Variants in ZNF586 observed in about 807,000 individuals in gnomAD.
The protein encoded by ZNF586 is zinc finger protein 586.
ZNF586 carries 7 observed loss-of-function variants against 6.7 expected under a neutral mutation model. The observed-to-expected ratio is 1.04, with a 90% CI of 0.59 to 1.95. ZNF586 has a LOEUF of 1.95. ZNF586 is among the 30% of genes most tolerant of loss of function. The pLI, the probability that ZNF586 is intolerant of heterozygous loss-of-function variation, is 0.00. For synonymous variants in ZNF586, 166 were observed against 168.7 expected, an observed-to-expected ratio of 0.98 and a Z score of 0.12; for missense variants, 442 against 489.6, an observed-to-expected ratio of 0.90 and a Z score of 0.92.
intron 1 of ZNF586, among the ~76,000 whole-genome samples, chr19:57,770,414 C>T (rs1568482021): frequency 6.6e-6 from 1 of 152,242 alleles, no homozygotes; most frequent in East Asian, 1.9e-4. Flanking sequence ...CGTGAGCCAC[C>T]GCGCCTGGCC....
In ZNF586 at chr19:57,774,007, G is replaced by A. The variant is rs1208911529; in HGVS notation, c.37-2536G>A. Among the ~76,000 whole-genome samples the A allele has an allele frequency of 2.0e-5, 3 of 151,956 alleles. 1 individual carries two copies. In the East Asian group the frequency reaches 5.8e-4, roughly 29 times the overall value. ...AAGGTGGGCAGATCACGTGAGGCCG[G>A]GGGTTCGAGATCAGCGTCGCCAACA... On this transcript the variant is annotated intron_variant, in intron 1 of 2. Transcript: ENST00000396154.
rs146358637 is a variant in ZNF586, at chr19:57,775,565, T to G, written c.37-978T>G. ...TCAGGGACTATCACACCCTCTTGATTGAGCAAAGCTTACATACCACAATCC... is the reference window on the plus strand; with the variant it reads ...TCAGGGACTATCACACCCTCTTGATGGAGCAAAGCTTACATACCACAATCC... On this transcript the variant is annotated intron_variant, in intron 1 of 2. Transcript: ENST00000396154. 5.3e-3 allele frequency among the ~76,000 whole-genome samples: 798 copies of G among 151,286 alleles called. 15 individuals are homozygous for G. The highest frequency in any genetic ancestry group is 0.016 in the African/African-American group (677 of 41,144).
intron 1 of ZNF586, among the ~76,000 whole-genome samples, chr19:57,773,404 T>TC (rs1390629902): frequency 6.2e-5 from 9 of 144,360 alleles, no homozygotes; most frequent in East Asian, 2.0e-4. Flanking sequence ...TTCTTCTTCT[T>TC]TTTTTTTTTT....
In ZNF586 at chr19:57,780,132, C is replaced by CT; in HGVS notation, c.*337dup. ...AAATTGAATGTCATACATCAAATAG[C>CT]TGCATACATTCCAGGTATGTGGGAA... On this transcript the variant is annotated 3_prime_UTR_variant, in exon 3 of 3. Transcript: ENST00000396154. The CT allele has an allele frequency of 3.5e-6, 1 of 283,302 alleles. No homozygotes were observed. Among genetic ancestry groups the CT allele is most frequent in the South Asian group, 6.4e-5 (1 of 15,520 alleles). 17.5% of individuals were successfully genotyped at this position (283,302 alleles called of 1,614,324 possible). A position where few individuals can be genotyped will look rare whatever the true frequency, so the allele number is the denominator to read the frequency against.
chr19:57,769,757 A>C lies in ZNF586; in HGVS notation c.-86A>C. The C allele has an allele frequency of 7.2e-7, 1 of 1,388,586 alleles. No individual in the cohort carries two copies. Among genetic ancestry groups the C allele is most frequent in the Non-Finnish European group, 9.9e-7 (1 of 1,006,858 alleles). 86.0% of individuals were successfully genotyped at this position (1,388,586 alleles called of 1,614,324 possible). A position where few individuals can be genotyped will look rare whatever the true frequency, so the allele number is the denominator to read the frequency against. ...TGGCCATTGCACACAGGCGGATCTG[A>C]GGTTCGGCGACGCCGCTGGTCGCGA... On this transcript the variant is annotated 5_prime_UTR_variant, in exon 1 of 3. Transcript: ENST00000396154.
chr19:57,773,834 A>G (rs1163571444), intron 1 of ZNF586, among the ~76,000 whole-genome samples: 1 of 152,152 alleles, frequency 6.6e-6, no homozygotes, highest in African/African-American at 2.4e-5. Flanking sequence ...GTGGATGTGG[A>G]GGCAAATATG....
At position 57,778,853 on chromosome 19, in the gene ZNF586, A is replaced by T. The variant is rs752191975; in HGVS notation, c.266A>T (p.Glu89Val). Residue 89 changes from glutamate to valine, a missense_variant, in exon 3 of 3, where the codon GAG becomes GTG. Coordinates refer to ENST00000396154, the MANE Select transcript of ZNF586 (RefSeq NM_017652.4). ...GGTCATAGTGGAGAAAGGCCTTATG[A>T]GTGTGGGGAATATAGGAAATTATTT... ...QGGHSGERPY[E>V]CGEYRKLFKN... 2 of 1,614,044 alleles carry T rather than the reference A, an allele frequency of 1.2e-6. No homozygotes were observed. The highest frequency in any genetic ancestry group is 4.5e-5 in the East Asian group (2 of 44,894).
Position 57,779,575 on chromosome 19 carries a change from T to C in ZNF586, c.988T>C (p.Ser330Pro), listed in dbSNP as rs201777537. 1.1e-5 allele frequency: 18 copies of C among 1,612,996 alleles called. No homozygotes were observed. The highest frequency in any genetic ancestry group is 2.5e-6 in the Non-Finnish European group (3 of 1,179,852). ...GTGTGGGAAATCCTTTAGCCGAAAA[T>C]CTAGCCTTATTATACATCTGAGAGT... is the stretch of plus-strand genomic sequence containing the variant. ...GQCGKSFSRK[S>P]SLIIHLRVHT... Residue 330 changes from serine (S) to proline (P), a missense_variant, in exon 3 of 3, where the codon TCT becomes CCT. Ser to Pro is a moderately conservative substitution (Grantham distance 74). Transcript: ENST00000396154.
chr19:57,776,952 G>A (rs1280583839), intron 2 of ZNF586, among the ~76,000 whole-genome samples: 1 of 152,172 alleles, frequency 6.6e-6, no homozygotes, highest in Non-Finnish European at 1.5e-5. Flanking sequence ...GGGTGACTGT[G>A]CAGATCCAAG....
rs1457325523 is a variant in ZNF586, at chr19:57,769,831, C to T, written c.-12C>T. 14 of 1,545,788 alleles carry T rather than the reference C, an allele frequency of 9.1e-6. No individual in the cohort carries two copies. The African/African-American group carries it at 1.8e-4, about 20-fold the overall frequency. ...ACACCGCCGAGCCCGCGTTCCCCCC[C>T]CGCCCAGAGTCATGGCGGCAGCAGC... is the stretch of plus-strand genomic sequence containing the variant. On this transcript the variant is annotated 5_prime_UTR_variant, in exon 1 of 3. Transcript: ENST00000396154.
At chr19:57,774,857 C>A in intron 1 of ZNF586, 1 of 568,788 alleles carries the variant, frequency 1.8e-6, no homozygotes, top group Non-Finnish European at 2.2e-6. Context: ...GATACCAGTA[C>A]TACCTCACAT....
chr19:57,773,811 T>C (rs997577964), intron 1 of ZNF586, among the ~76,000 whole-genome samples: 20 of 152,168 alleles, frequency 1.3e-4, no homozygotes, highest in Admixed American at 3.9e-4. Context: ...CCTGGGGTGT[T>C]TGATTCAGCC....
At chr19:57,776,274 G>C (rs1194647891) in intron 1 of ZNF586, among the ~76,000 whole-genome samples, 1 of 152,160 alleles carries the variant, frequency 6.6e-6, no homozygotes, top group Non-Finnish European at 1.5e-5. Context: ...TGCTGTACCA[G>C]GGGAATTGCT....
At chr19:57,776,223 T>C (rs887344239) in intron 1 of ZNF586, among the ~76,000 whole-genome samples, 3 of 152,132 alleles carry the variant, frequency 2.0e-5, no homozygotes, top group Admixed American at 6.5e-5. Context: ...AGGATTATGT[T>C]TGAAAGGCCT....
chr19:57,769,949 C>T, intron 1 of ZNF586, 71 bp downstream of exon 1: 4 of 1,206,702 alleles, frequency 3.3e-6, no homozygotes, highest in African/African-American at 3.2e-5. Flanking sequence ...TCGTGAGGGC[C>T]GCCTCCTCGC....
chr19:57,778,697 G>T (rs1006149670), intron 2 of ZNF586, 54 bp from the exon 3 acceptor site: 1 of 1,505,854 alleles, frequency 6.6e-7, no homozygotes, highest in Non-Finnish European at 9.0e-7. Flanking sequence ...TTGTGGGTAG[G>T]CTGCATACTC....
intron 1 of ZNF586, among the ~76,000 whole-genome samples, chr19:57,772,528 G>A (rs1459082583): frequency 6.7e-6 from 1 of 150,342 alleles, no homozygotes; most frequent in Non-Finnish European, 1.5e-5. Flanking sequence ...TCCTTTGACT[G>A]ACTTGATAAA....
chr19:57,769,709 G>T lies in ZNF586; in HGVS notation c.-134G>T. On this transcript the variant is annotated 5_prime_UTR_variant, in exon 1 of 3. Transcript: ENST00000396154. The stretch of plus-strand genomic sequence containing the variant: ...GGTCCATCCGGCGATGCTGGGTCTG[G>T]ACGAGCTCGGGAGGAGTGGTTGTGG... 3 of 960,160 alleles carry T rather than the reference G, an allele frequency of 3.1e-6. No individual in the cohort carries two copies. The highest frequency in any genetic ancestry group is 5.8e-5 in the East Asian group (2 of 34,614). 59.5% of individuals were successfully genotyped at this position (960,160 alleles called of 1,614,324 possible).
At chr19:57,769,915 C>T (rs1481398299) in intron 1 of ZNF586, 37 bp downstream of exon 1, 1 of 1,461,372 alleles carries the variant, frequency 6.8e-7, no homozygotes, top group African/African-American at 1.4e-5. Context: ...CCCACCCTAC[C>T]CACCCAGACC....
Sources: gnomAD v4.1 joint callset for allele counts (sites outside exome capture counted in the v4.1 genomes callset) on GRCh38, gnomAD v4.1.1 for gene constraint, MANE v1.5 for transcripts, NCBI Gene and HGNC (gene_info 2026-07-23, HGNC 2026-07-21) for gene names.